EYS: variants seen among roughly 807,000 people sequenced by gnomAD.
EYS encodes EGF-like photoreceptor maintenance factor, also known as protein eyes shut homolog.
In EYS, 250 loss-of-function variants were observed where a neutral mutation model predicts 282.1. The ratio of observed to expected loss-of-function variants is 0.89; its 90% confidence interval spans 0.80 to 0.98. The LOEUF is 0.98. Among genes scored for constraint, EYS ranks in the 50% least tolerant of loss-of-function variants. The probability of loss-of-function intolerance (pLI) is 0.00; values close to 1 mark genes in which losing one functional copy is unlikely to be tolerated. For synonymous variants in EYS, 1,355 were observed against 1,282.9 expected (o/e 1.06, Z -1.20); for missense variants, 4,016 against 3,709.0 (o/e 1.08, Z -2.15).
chr6:64,301,179 T>C (rs113227743), intron 30 of EYS, among the ~76,000 whole-genome samples: 35 of 152,308 alleles, frequency 2.3e-4, no homozygotes, highest in African/African-American at 7.2e-4. Flanking sequence ...TTAAATTAAA[T>C]ACTAAAAACT....
At chr6:65,173,852 A>C (rs1378585187) in intron 12 of EYS, among the ~76,000 whole-genome samples, 1 of 151,306 alleles carries the variant, frequency 6.6e-6, no homozygotes, top group East Asian at 1.9e-4. Flanking sequence ...ATTTAGTTGC[A>C]TAGTAAGGCT....
At chr6:65,231,656 T>A (rs1766786095) in intron 12 of EYS, among the ~76,000 whole-genome samples, 1 of 151,940 alleles carries the variant, frequency 6.6e-6, no homozygotes, top group Non-Finnish European at 1.5e-5. Flanking sequence ...GTTTTTCTTC[T>A]GGAGTGTTGC....
intron 15 of EYS, among the ~76,000 whole-genome samples, chr6:64,917,783 C>T (rs1355507710): frequency 1.3e-5 from 2 of 152,062 alleles, no homozygotes; most frequent in African/African-American, 4.8e-5. Context: ...TATATCAAAA[C>T]ATTATGTTAT....
At chr6:65,360,510 C>A (rs892422865) in intron 8 of EYS, among the ~76,000 whole-genome samples, 1 of 151,960 alleles carries the variant, frequency 6.6e-6, no homozygotes, top group East Asian at 1.9e-4. Context: ...CAAGGGAAAT[C>A]TGATTTTAAC....
At chr6:65,429,593 C>A (rs1767799085) in intron 5 of EYS, among the ~76,000 whole-genome samples, 1 of 152,150 alleles carries the variant, frequency 6.6e-6, no homozygotes, top group Non-Finnish European at 1.5e-5. Flanking sequence ...GTTCCAAACC[C>A]AATTTGCTAA....
intron 31 of EYS, among the ~76,000 whole-genome samples, chr6:64,177,029 T>C (rs778490041): frequency 6.6e-6 from 1 of 151,902 alleles, no homozygotes; most frequent in Non-Finnish European, 1.5e-5. Context: ...GATATTTTAA[T>C]TGAAAACATA....
At position 65,494,281 on chromosome 6, in the gene EYS, A is replaced by G. The variant is rs577906837; in HGVS notation, c.748+382T>C. ...TATTTATTTATTTTATTTTATTTTT[A>G]TTTTTATCTTTTTTGAGACGGAGTC... is the stretch of plus-strand genomic sequence containing the variant. On this transcript the variant is annotated intron_variant, in intron 4 of 42. Coordinates refer to ENST00000503581, the MANE Select transcript of EYS (RefSeq NM_001142800.2). Among the ~76,000 whole-genome samples the G allele has an allele frequency of 3.1e-3, 471 of 151,070 alleles. 4 individuals are homozygous for G. Among genetic ancestry groups the G allele is most frequent in the Middle Eastern group, 0.01 (3 of 294 alleles).
chr6:63,771,680 G>A (rs546659238), intron 40 of EYS, among the ~76,000 whole-genome samples: 2 of 152,248 alleles, frequency 1.3e-5, no homozygotes, highest in East Asian at 1.9e-4. Context: ...AAGACCACGA[G>A]AGAAAAGAGG....
chr6:65,296,700 T>G (rs1768675776), intron 11 of EYS, among the ~76,000 whole-genome samples: 1 of 151,832 alleles, frequency 6.6e-6, no homozygotes, highest in South Asian at 2.1e-4. Context: ...ATTCATGCAT[T>G]CATTATTTTA....
intron 41 of EYS, among the ~76,000 whole-genome samples, chr6:63,737,586 G>A (rs1027038403): frequency 3.9e-5 from 6 of 152,072 alleles, no homozygotes; most frequent in Admixed American, 6.6e-5. Flanking sequence ...TTGGTATCAG[G>A]ATGATGCTGG....
chr6:64,751,198 T>C (rs1772739865), intron 22 of EYS, among the ~76,000 whole-genome samples: 1 of 152,132 alleles, frequency 6.6e-6, no homozygotes, highest in Non-Finnish European at 1.5e-5. Flanking sequence ...GGGCAGAGTT[T>C]TTCCAGGCAT....
intron 13 of EYS, among the ~76,000 whole-genome samples, chr6:65,045,511 A>G (rs369960292): frequency 2.6e-5 from 4 of 152,016 alleles, no homozygotes; most frequent in African/African-American, 9.6e-5. Context: ...TCTGAGGTGT[A>G]TAAGAAATTC....
chr6:64,007,303 C>T (rs1195062212), intron 33 of EYS, among the ~76,000 whole-genome samples: 1 of 150,412 alleles, frequency 6.6e-6, no homozygotes, highest in Non-Finnish European at 1.5e-5. Flanking sequence ...GAAGTAGTCT[C>T]TGAGGTTTTT....
intron 40 of EYS, among the ~76,000 whole-genome samples, chr6:63,763,336 G>A (rs1769697507): frequency 6.6e-6 from 1 of 152,012 alleles, no homozygotes; most frequent in South Asian, 2.1e-4. Context: ...CTTTCTGATA[G>A]ACCCATCAAA....
intron 5 of EYS, among the ~76,000 whole-genome samples, chr6:65,469,568 T>C (rs778913700): frequency 6.6e-5 from 10 of 152,122 alleles, no homozygotes; most frequent in Non-Finnish European, 1.5e-5. Flanking sequence ...ATGAGTCACA[T>C]GAACTTCACC....
chr6:63,961,025 C>T (rs1276568259), intron 35 of EYS, among the ~76,000 whole-genome samples: 1 of 152,216 alleles, frequency 6.6e-6, no homozygotes, highest in East Asian at 1.9e-4. Context: ...CCTTTTACTA[C>T]ATCTTAGATT....
At position 64,926,137 on chromosome 6, in the gene EYS, C is replaced by A. The variant is rs181492655; in HGVS notation, c.2382-13394G>T. On this transcript the variant is annotated intron_variant, in intron 15 of 42. Transcript: ENST00000503581. ...AGTTTGCCTTCAGGCAGACCTATCC[C>A]AGGCCACAAAACTTTCTGCTGGGGT... Among the ~76,000 whole-genome samples, 64 of 152,280 alleles carry A rather than the reference C, an allele frequency of 4.2e-4. 1 individual carries two copies. The highest frequency in any genetic ancestry group is 3.4e-3 in the Middle Eastern group (1 of 292).
intron 24 of EYS, among the ~76,000 whole-genome samples, chr6:64,605,564 C>G (rs1262290212): frequency 6.6e-6 from 1 of 151,722 alleles, no homozygotes; most frequent in Non-Finnish European, 1.5e-5. Context: ...CTGTCAATAG[C>G]ATCCTCTGAA....
chr6:64,011,438 C>A (rs1768622615), intron 33 of EYS, among the ~76,000 whole-genome samples: 1 of 152,092 alleles, frequency 6.6e-6, no homozygotes, highest in African/African-American at 2.4e-5. Flanking sequence ...TTTGGAAGTG[C>A]CTTCATGATT....
Sources: allele counts gnomAD v4.1 joint callset (sites outside exome capture counted in the v4.1 genomes callset), GRCh38; gene constraint gnomAD v4.1.1; transcripts MANE v1.5; gene names NCBI Gene and HGNC (gene_info 2026-07-23, HGNC 2026-07-21).